The following TEAD1 variants were observed in gnomAD, a reference collection of about 807,000 sequenced individuals.
TEAD1 encodes transcriptional enhancer factor TEF-1.
A neutral mutation model predicts 54.9 loss-of-function variants in TEAD1; 9 were observed. The observed-to-expected ratio is 0.16, with a 90% CI of 0.10 to 0.29. The LOEUF (loss-of-function observed/expected upper bound fraction) is 0.29. Ranked by LOEUF, TEAD1 falls within the 10% of genes least tolerant of loss-of-function variation. The pLI, the probability that TEAD1 is intolerant of heterozygous loss-of-function variation, is 1.00. For missense variants in TEAD1, 387 were observed against 535.9 expected, an observed-to-expected ratio of 0.72 and a Z score of 2.74; for synonymous variants, 200 against 187.8, an observed-to-expected ratio of 1.07 and a Z score of -0.53.
chr11:12,927,730 G>C (rs1948928400), intron 11 of TEAD1, among the ~76,000 whole-genome samples: 1 of 151,834 alleles, frequency 6.6e-6, no homozygotes, highest in Admixed American at 6.6e-5. Context: ...CATTATACAG[G>C]TTTGTCTCTT....
chr11:12,741,032 A>C (rs2133892370), intron 2 of TEAD1, among the ~76,000 whole-genome samples: 1 of 152,324 alleles, frequency 6.6e-6, no homozygotes, highest in Middle Eastern at 3.4e-3. Flanking sequence ...AAAAAGTATA[A>C]GACAGAAAAC....
At position 12,938,754 on chromosome 11, in the gene TEAD1, G is replaced by A. The variant is rs1237870589; in HGVS notation, c.*1532G>A. ...CAGAGTTGGTTTGATGTGGCCAGAT[G>A]TTTTGAGTTATTTCCCTTAAGTGTT... On this transcript the variant is annotated 3_prime_UTR_variant, in exon 13 of 13. Transcript: ENST00000527636. 2 of 152,258 alleles carry A rather than the reference G, an allele frequency of 1.3e-5. No individual in the cohort carries two copies. The highest frequency in any genetic ancestry group is 4.8e-5 in the African/African-American group (2 of 41,462). The allele number at this position is 152,258 out of a possible 1,614,324, so 9.4% of individuals were successfully genotyped here. A position where few individuals can be genotyped will look rare whatever the true frequency, so the allele number is the denominator to read the frequency against.
At chr11:12,884,798 T>C (rs748220906) in intron 9 of TEAD1, among the ~76,000 whole-genome samples, 10 of 152,098 alleles carry the variant, frequency 6.6e-5, no homozygotes, top group Non-Finnish European at 1.5e-4. Context: ...GCTGAGTGGC[T>C]AACAGGAAGA....
At chr11:12,811,263 A>G (rs1383256351) in intron 3 of TEAD1, among the ~76,000 whole-genome samples, 2 of 152,166 alleles carry the variant, frequency 1.3e-5, no homozygotes, top group African/African-American at 4.8e-5. Flanking sequence ...GGGTGAGGAC[A>G]TGAGTTCTAT....
Position 12,944,595 on chromosome 11 carries a change from A to G in TEAD1, c.*7373A>G, listed in dbSNP as rs1565000517. On this transcript the variant is annotated 3_prime_UTR_variant, in exon 13 of 13. Coordinates refer to ENST00000527636, the MANE Select transcript of TEAD1 (RefSeq NM_021961.6). ...ACTCTAAAAATGCTATTTTTGTGTC[A>G]GTTCCTGCAGGTGTTTTCATGTCTT... 3 of 152,562 alleles carry G rather than the reference A, an allele frequency of 2.0e-5. No individual in the cohort carries two copies. The highest frequency in any genetic ancestry group is 1.3e-4 in the Admixed American group (2 of 15,264). The allele number at this position is 152,562 out of a possible 1,614,324, so 9.5% of individuals were successfully genotyped here.
chr11:12,777,369 A>G (rs974110167), intron 3 of TEAD1, among the ~76,000 whole-genome samples: 2 of 152,058 alleles, frequency 1.3e-5, no homozygotes, highest in African/African-American at 4.8e-5. Context: ...CTGTATGCCT[A>G]CCCTCTTCCC....
At chr11:12,689,162 T>C (rs1180398371) in intron 2 of TEAD1, among the ~76,000 whole-genome samples, 2 of 152,104 alleles carry the variant, frequency 1.3e-5, no homozygotes, top group Admixed American at 1.3e-4. Context: ...TTTCACCCTT[T>C]CTCCTCTGCT....
chr11:12,806,379 AT>A (rs1471153164), intron 3 of TEAD1, among the ~76,000 whole-genome samples: 4 of 152,312 alleles, frequency 2.6e-5, no homozygotes, highest in African/African-American at 9.6e-5. Context: ...TTGAGAACAG[AT>A]TCAGGGAAGT....
intron 3 of TEAD1, among the ~76,000 whole-genome samples, chr11:12,775,735 AGGGAGAT>A (rs1945402867): frequency 6.6e-6 from 1 of 152,224 alleles, no homozygotes; most frequent in East Asian, 1.9e-4. Context: ...TGGTTGCCAC[AGGGAGAT>A]GGGATTATAG....
intron 3 of TEAD1, among the ~76,000 whole-genome samples, chr11:12,859,984 G>C (rs1250142658): frequency 3.9e-5 from 6 of 152,178 alleles, no homozygotes; most frequent in Non-Finnish European, 7.3e-5. Flanking sequence ...AACTGACTCT[G>C]ATGCTATAGC....
At chr11:12,838,560 A>G (rs1590200170) in intron 3 of TEAD1, among the ~76,000 whole-genome samples, 1 of 152,334 alleles carries the variant, frequency 6.6e-6, no homozygotes, top group East Asian at 1.9e-4. Flanking sequence ...ATAAATTTTA[A>G]CATTTTAAGT....
intron 3 of TEAD1, among the ~76,000 whole-genome samples, chr11:12,821,961 C>T (rs377129295): frequency 3.2e-4 from 22 of 68,062 alleles, no homozygotes; most frequent in East Asian, 2.5e-3. Flanking sequence ...TTCTCTTTTC[C>T]TTTTTTTTTT....
chr11:12,911,240 C>T (rs2134141897), intron 10 of TEAD1, among the ~76,000 whole-genome samples: 2 of 152,318 alleles, frequency 1.3e-5, no homozygotes, highest in South Asian at 4.1e-4. Flanking sequence ...GACAGTCACT[C>T]TACATAAAAC....
At chr11:12,766,516 G>A (rs1945210420) in intron 3 of TEAD1, among the ~76,000 whole-genome samples, 1 of 152,206 alleles carries the variant, frequency 6.6e-6, no homozygotes, top group Admixed American at 6.5e-5. Context: ...AGATAGTAAA[G>A]TAGTTGATGA....
At chr11:12,872,677 T>C (rs1947775846) in intron 5 of TEAD1, among the ~76,000 whole-genome samples, 1 of 152,206 alleles carries the variant, frequency 6.6e-6, no homozygotes, top group Non-Finnish European at 1.5e-5. Flanking sequence ...ACAGAAACAG[T>C]CTCATCATTC....
intron 5 of TEAD1, among the ~76,000 whole-genome samples, chr11:12,866,355 G>A (rs1947616717): frequency 6.6e-6 from 1 of 152,094 alleles, no homozygotes; most frequent in Non-Finnish European, 1.5e-5. Context: ...TGTCTGTGTG[G>A]TTCCTGTGGA....
intron 3 of TEAD1, among the ~76,000 whole-genome samples, chr11:12,857,311 G>T (rs1409496145): frequency 1.3e-5 from 2 of 152,200 alleles, no homozygotes; most frequent in Non-Finnish European, 2.9e-5. Context: ...CAGCCGGTGG[G>T]AAAGACAAGG....
intron 2 of TEAD1, among the ~76,000 whole-genome samples, chr11:12,697,726 A>G (rs1265988087): frequency 6.6e-6 from 1 of 152,192 alleles, no homozygotes; most frequent in Non-Finnish European, 1.5e-5. Flanking sequence ...GTATGTAGAA[A>G]GTTCTCAGAA....
chr11:12,801,399 G>T (rs540088257), intron 3 of TEAD1, among the ~76,000 whole-genome samples: 12 of 152,168 alleles, frequency 7.9e-5, no homozygotes, highest in Non-Finnish European at 1.3e-4. Context: ...AGAGCTAACA[G>T]CAGTTTTACC....
Sources: allele counts gnomAD v4.1 joint callset (sites outside exome capture counted in the v4.1 genomes callset), GRCh38; gene constraint gnomAD v4.1.1; transcripts MANE v1.5; gene names NCBI Gene and HGNC (gene_info 2026-07-23, HGNC 2026-07-21).